Variants in ZNF98 observed in about 807,000 individuals in gnomAD.
The protein encoded by ZNF98 is zinc finger protein 739.
ZNF98 carries 8 observed loss-of-function variants against 12.8 expected under a neutral mutation model. The observed-to-expected ratio is 0.63, with a 90% confidence interval of 0.37 to 1.13. ZNF98 has a LOEUF of 1.13. ZNF98 is among the 50% of genes most tolerant of loss of function. The probability of loss-of-function intolerance (pLI) is 0.01; values close to 1 mark genes in which losing one functional copy is unlikely to be tolerated. For missense variants in ZNF98, 379 were observed against 666.1 expected (o/e 0.57, Z 4.74); for synonymous variants, 112 against 223.5 (o/e 0.50, Z 4.45).
chr19:22,412,470 T>TA (rs1969590705), intron 1 of ZNF98, among the ~76,000 whole-genome samples: 1 of 152,100 alleles, frequency 6.6e-6, no homozygotes, highest in African/African-American at 2.4e-5. Flanking sequence ...ATTGAAAAGT[T>TA]AGACTTCAGT....
At chr19:22,397,076 A>C (rs1969402065) in intron 3 of ZNF98, among the ~76,000 whole-genome samples, 1 of 151,354 alleles carries the variant, frequency 6.6e-6, no homozygotes, top group African/African-American at 2.4e-5. Flanking sequence ...CCGAGATCAC[A>C]CCACTGCACT....
chr19:22,419,393 G>T (rs984813176), intron 1 of ZNF98, among the ~76,000 whole-genome samples: 7 of 152,104 alleles, frequency 4.6e-5, no homozygotes, highest in Non-Finnish European at 1.0e-4. Context: ...TTCCATGGCT[G>T]GGGGTGAGCA....
chr19:22,416,956 A>G (rs6511352), intron 1 of ZNF98, among the ~76,000 whole-genome samples: 131,820 of 152,072 alleles, frequency 0.87, 57,285 homozygotes, highest in East Asian at 0.91. Context: ...GAGGCTGGGC[A>G]CAGTGGCTCA....
intron 1 of ZNF98, among the ~76,000 whole-genome samples, chr19:22,407,618 A>G (rs758214235): frequency 2.2e-4 from 33 of 151,812 alleles, no homozygotes; most frequent in Non-Finnish European, 5.9e-5. Flanking sequence ...AGGCTGAGGC[A>G]GAAGAATTGC....
intron 1 of ZNF98, among the ~76,000 whole-genome samples, chr19:22,410,313 TAG>T (rs1156362199): frequency 1.3e-5 from 2 of 152,164 alleles, no homozygotes; most frequent in Non-Finnish European, 2.9e-5. Context: ...ATGTTTACTG[TAG>T]CACTAATTAC....
chr19:22,414,757 T>A (rs1193779026), intron 1 of ZNF98, among the ~76,000 whole-genome samples: 1 of 152,122 alleles, frequency 6.6e-6, no homozygotes, highest in Non-Finnish European at 1.5e-5. Context: ...AATATTTAAA[T>A]GTAAAACTTC....
chr19:22,417,636 G>T (rs1450974230), intron 1 of ZNF98, among the ~76,000 whole-genome samples: 1 of 152,108 alleles, frequency 6.6e-6, no homozygotes, highest in Non-Finnish European at 1.5e-5. Context: ...ACCCTCAGTT[G>T]GTGGGGAAAA....
chr19:22,416,982 C>CA (rs1413824372), intron 1 of ZNF98, among the ~76,000 whole-genome samples: 2 of 152,092 alleles, frequency 1.3e-5, no homozygotes, highest in Non-Finnish European at 1.5e-5. Flanking sequence ...GTAATCCCAA[C>CA]ACTTTGGGAA....
Position 22,392,813 on chromosome 19 carries a change from C to G in ZNF98, c.422G>C (p.Gly141Ala). 2 of 1,612,582 alleles carry G rather than the reference C, an allele frequency of 1.2e-6. No individual in the cohort carries two copies. Among genetic ancestry groups the G allele is most frequent in the Non-Finnish European group, 1.7e-6 (2 of 1,179,496 alleles). The change falls in exon 4 of 4, where the codon GGA becomes GCA. Residue 141 changes from glycine (G) to alanine (A), a missense_variant. Coordinates refer to ENST00000357774, the MANE Select transcript of ZNF98 (RefSeq NM_001098626.2). ...ECKVHKECYNGLNQCLTTTQN... is the reference protein window; with the variant it reads ...ECKVHKECYNALNQCLTTTQN... Reference sequence around the variant, plus strand: ...GGTAGTTGTCAAACACTGGTTAAGTCCATTGTAACATTCTTTGTGCACCTT... The same window carrying G: ...GGTAGTTGTCAAACACTGGTTAAGTGCATTGTAACATTCTTTGTGCACCTT...
chr19:22,408,878 C>T (rs1969550717), intron 1 of ZNF98, among the ~76,000 whole-genome samples: 1 of 152,026 alleles, frequency 6.6e-6, no homozygotes, highest in African/African-American at 2.4e-5. Flanking sequence ...AATTTATGGA[C>T]TCAATGTTAT....
At chr19:22,419,479 A>G (rs1969680936) in intron 1 of ZNF98, among the ~76,000 whole-genome samples, 2 of 152,192 alleles carry the variant, frequency 1.3e-5, no homozygotes, top group African/African-American at 2.4e-5. Context: ...TGTAGGCTCA[A>G]TATTAATTAG....
intron 3 of ZNF98, among the ~76,000 whole-genome samples, chr19:22,400,682 C>T (rs1269243668): frequency 5.3e-5 from 8 of 152,098 alleles, no homozygotes; most frequent in Non-Finnish European, 8.8e-5. Flanking sequence ...GGGCCAGGCG[C>T]GGTGGCTCAC....
intron 1 of ZNF98, 118 bp from the exon 2 acceptor site, chr19:22,403,630 A>C: frequency 3.2e-6 from 3 of 942,786 alleles, no homozygotes; most frequent in Non-Finnish European, 4.6e-6. Flanking sequence ...GGAGTGACTG[A>C]TATATTTAAT....
intron 1 of ZNF98, among the ~76,000 whole-genome samples, chr19:22,420,735 C>A (rs1969694823): frequency 6.6e-6 from 1 of 152,014 alleles, no homozygotes; most frequent in South Asian, 2.1e-4. Context: ...GTACTAAAAC[C>A]CAGGAACAAG....
chr19:22,412,587 G>C (rs1343532117), intron 1 of ZNF98, among the ~76,000 whole-genome samples: 2 of 148,704 alleles, frequency 1.3e-5, no homozygotes, highest in Admixed American at 6.8e-5. Context: ...AACGGAAGGA[G>C]ATTTTCACAT....
chr19:22,406,520 A>G (rs1280923113), intron 1 of ZNF98, among the ~76,000 whole-genome samples: 1 of 152,114 alleles, frequency 6.6e-6, no homozygotes, highest in East Asian at 1.9e-4. Context: ...GAAAGAATTA[A>G]TGAAAAAAAC....
At chr19:22,398,707 T>G (rs1255925334) in intron 3 of ZNF98, among the ~76,000 whole-genome samples, 1 of 143,314 alleles carries the variant, frequency 7.0e-6, no homozygotes, top group East Asian at 2.0e-4. Context: ...GTTATATGTT[T>G]GTACAATTGT....
chr19:22,420,455 C>T (rs534479841), intron 1 of ZNF98, among the ~76,000 whole-genome samples: 1 of 152,090 alleles, frequency 6.6e-6, no homozygotes, highest in African/African-American at 2.4e-5. Flanking sequence ...TCTGTTTTCC[C>T]CTCAATATCA....
intron 3 of ZNF98, among the ~76,000 whole-genome samples, chr19:22,397,212 T>TTTGTGTGTGTGTGTGTGTG (rs368992859): frequency 4.0e-4 from 58 of 145,322 alleles, no homozygotes; most frequent in African/African-American, 1.4e-3. Flanking sequence ...GTGTGTGTTT[T>TTTGTGTGTGTGTGTGTGTG]TGTGTGTGTG....
Sources: allele counts gnomAD v4.1 joint callset (sites outside exome capture counted in the v4.1 genomes callset), GRCh38; gene constraint gnomAD v4.1.1; transcripts MANE v1.5; gene names NCBI Gene and HGNC (gene_info 2026-07-23, HGNC 2026-07-21).